Variants in GNE observed in about 807,000 individuals in gnomAD.
GNE encodes the protein glucosamine (UDP-N-acetyl)-2-epimerase/N-acetylmannosamine kinase, also known as bifunctional UDP-N-acetylglucosamine 2-epimerase/N-acetylmannosamine kinase.
Under a neutral mutation model 61.8 loss-of-function variants are expected in GNE, and 41 were observed. The ratio of observed to expected loss-of-function variants is 0.66; its 90% CI spans 0.52 to 0.86. GNE has a LOEUF of 0.86. Among genes scored for constraint, GNE ranks in the 40% least tolerant of loss-of-function variants. GNE has a pLI of 0.00. For missense variants in GNE, 608 were observed against 909.1 expected (o/e 0.67, Z 4.26); for synonymous variants, 264 against 326.4 (o/e 0.81, Z 2.06).
rs1414185833 is a variant in GNE at position 36,218,071 on chromosome 9, C to T, written c.1933+112G>A. On this transcript the variant is annotated intron_variant, in intron 11 of 11. Transcript: ENST00000642385. This position sits in a 1 kb window ranked among gnomAD's most constrained non-coding sequence, Gnocchi z 4.1. ...ATTAGGAAAGAAACCTCTGAACAGA[C>T]ACTGCAAAGCACCTGTCCCTAGGGA... The T allele has an allele frequency of 2.5e-6, 2 of 793,924 alleles. No individual in the cohort carries two copies. The highest frequency in any genetic ancestry group is 1.7e-5 in the African/African-American group (1 of 59,482). 49.2% of individuals were successfully genotyped at this position (793,924 alleles called of 1,614,324 possible). A position where few individuals can be genotyped will look rare whatever the true frequency, so the allele number is the denominator to read the frequency against.
At chr9:36,232,336 GC>G (rs1160683679) in intron 5 of GNE, among the ~76,000 whole-genome samples, 84 of 84,904 alleles carry the variant, frequency 9.9e-4, no homozygotes, top group African/African-American at 2.8e-3. Context: ...TTGCCCCCCC[GC>G]CCCCCCTCCC....
Position 36,270,861 on chromosome 9 carries a change from G to A in GNE, c.51+6033C>T, listed in dbSNP as rs566422165. 6.1e-4 allele frequency among the ~76,000 whole-genome samples: 93 copies of A among 152,246 alleles called. 1 individual carries two copies. Among genetic ancestry groups the A allele is most frequent in the African/African-American group, 2.0e-3 (82 of 41,566 alleles). ...GCCCAGGAGTTTGAGTCCAGCCTGG[G>A]CAACATTGTAAGGCCCCATCTCTTA... is the stretch of plus-strand genomic sequence containing the variant. On this transcript the variant is annotated intron_variant, in intron 1 of 11. Transcript: ENST00000396594.
At position 36,215,905 on chromosome 9, in the gene GNE, G is replaced by A. The variant is rs921733510; in HGVS notation, c.*1460C>T. 5.5e-6 allele frequency: 1 copy of A among 180,876 alleles called. No individual in the cohort carries two copies. The highest frequency in any genetic ancestry group is 1.5e-4 in the East Asian group (1 of 6,512). 11.2% of individuals were successfully genotyped at this position (180,876 alleles called of 1,614,324 possible). A position where few individuals can be genotyped will look rare whatever the true frequency, so the allele number is the denominator to read the frequency against. ...GTATGAAAGGCTACTGAAGGAAGAA[G>A]TGTCTGCTGGTCAGTAGCAAAGATC... On this transcript the variant is annotated 3_prime_UTR_variant, in exon 12 of 12. Coordinates refer to ENST00000642385, the MANE Select transcript of GNE (RefSeq NM_005476.7).
intron 1 of GNE, among the ~76,000 whole-genome samples, chr9:36,267,598 A>G (rs1830853490): frequency 1.3e-5 from 2 of 152,146 alleles, no homozygotes; most frequent in Non-Finnish European, 2.9e-5. Flanking sequence ...CGGGAAGCTT[A>G]TGCATGAGAA....
chr9:36,258,408 AGCCT>A lies in GNE; in HGVS notation c.-134_-131del. The A allele has an allele frequency of 1.0e-6, 1 of 985,400 alleles. No homozygotes were observed. Among genetic ancestry groups the A allele is most frequent in the Non-Finnish European group, 1.2e-6 (1 of 829,936 alleles). 61.0% of individuals were successfully genotyped at this position (985,400 alleles called of 1,614,324 possible). ...AGCGCCACGAAGCAGGCAGAGCGCG[AGCCT>A]GCCCCTCGGTTTCCGCGCTCGGGCG... On this transcript the variant is annotated 5_prime_UTR_variant, in exon 1 of 12. Transcript: ENST00000642385.
At chr9:36,258,252 C>G (rs1440958594) in intron 1 of GNE, 69 bp downstream of exon 1, 20 of 901,696 alleles carry the variant, frequency 2.2e-5, no homozygotes, top group Non-Finnish European at 2.7e-5. Context: ...GGGCAGGAGG[C>G]CGGGGGAGGC....
chr9:36,246,660 CTTTTTTT>C (rs66781293), intron 2 of GNE, among the ~76,000 whole-genome samples, 178 bp from the exon 3 acceptor site: 59 of 119,062 alleles, frequency 5.0e-4, no homozygotes, highest in Non-Finnish European at 7.3e-4. Flanking sequence ...GATTAAGATT[CTTTTTTT>C]TTTTTTTTTT....
chr9:36,218,385 A>G lies in GNE; in HGVS notation c.1817-86T>C, dbSNP rs1040983423. On this transcript the variant is annotated intron_variant, in intron 10 of 11. Transcript: ENST00000642385. This position sits in a 1 kb window ranked among gnomAD's most constrained non-coding sequence, Gnocchi z 4.1. ...CTGGGCCTGTGGAAAGCAAGCCCCT[A>G]CATGGGAAGACGGTGTTTTCTTTTC... The G allele has an allele frequency of 3.5e-5, 31 of 877,244 alleles. No homozygotes were observed. The highest frequency in any genetic ancestry group is 5.4e-5 in the Non-Finnish European group (28 of 516,372). 54.3% of individuals were successfully genotyped at this position (877,244 alleles called of 1,614,324 possible).
At chr9:36,236,321 C>T (rs1829389291) in intron 4 of GNE, among the ~76,000 whole-genome samples, 1 of 152,076 alleles carries the variant, frequency 6.6e-6, no homozygotes, top group South Asian at 2.1e-4. Flanking sequence ...CTGCCTCAGC[C>T]TCCTGAATAG....
chr9:36,228,902 G>GC, intron 6 of GNE, 119 bp downstream of exon 6: 1 of 772,788 alleles, frequency 1.3e-6, no homozygotes, highest in Non-Finnish European at 2.4e-6. Context: ...GCAACTAGGG[G>GC]CCCGTAGGCA....
chr9:36,258,452 T>C (rs894835780), upstream of GNE: 6 of 985,430 alleles, frequency 6.1e-6, no homozygotes, highest in Non-Finnish European at 7.2e-6. Flanking sequence ...GGTAGACGAC[T>C]CGTCGCTCGA....
At chr9:36,232,111 C>T (rs915529867) in intron 5 of GNE, among the ~76,000 whole-genome samples, 2 of 152,048 alleles carry the variant, frequency 1.3e-5, no homozygotes, top group African/African-American at 2.4e-5. Flanking sequence ...GTTATATTTA[C>T]ATCTTCTTCC....
At chr9:36,273,821 T>G (rs1340116203) in intron 1 of GNE, among the ~76,000 whole-genome samples, 1 of 151,798 alleles carries the variant, frequency 6.6e-6, no homozygotes, top group Admixed American at 6.6e-5. Context: ...GTAGTTTTGG[T>G]AGAGACAGCG....
chr9:36,228,391 C>T (rs979369218), intron 6 of GNE, among the ~76,000 whole-genome samples: 10 of 151,754 alleles, frequency 6.6e-5, no homozygotes, highest in African/African-American at 2.4e-4. Context: ...AATTAAAAAG[C>T]TGAACTAGAC....
chr9:36,273,660 CTTT>C (rs11307863), intron 1 of GNE, among the ~76,000 whole-genome samples: 9 of 139,516 alleles, frequency 6.5e-5, no homozygotes, highest in Non-Finnish European at 9.3e-5. Context: ...ATTTGGAACT[CTTT>C]TTTTTTTTTT....
Position 36,227,661 on chromosome 9 carries a change from C to T in GNE, c.1071-203G>A, listed in dbSNP as rs147408984. Among the ~76,000 whole-genome samples the T allele has an allele frequency of 4.6e-3, 695 of 152,142 alleles. 3 individuals carry two copies. Among genetic ancestry groups the T allele is most frequent in the Non-Finnish European group, 8.1e-3 (550 of 67,990 alleles). On this transcript the variant is annotated intron_variant, in intron 6 of 11. Transcript: ENST00000642385. The stretch of plus-strand genomic sequence containing the variant: ...GGCTGAGGCAGGAAGATTGCTTGAG[C>T]CCAAGAGTTTGAGACCAGCCTGGGC...
In GNE at chr9:36,258,324, A is replaced by T. The variant is rs542696087; in HGVS notation, c.-46T>A. ...CACGCCGCCGCGCGGCTCTCACCAG[A>T]CGCCGTCAGAGGCTCCCTCCCACGC... On this transcript the variant is annotated 5_prime_UTR_variant, in exon 1 of 12. Transcript: ENST00000642385. The T allele has an allele frequency of 9.1e-6, 9 of 985,330 alleles. No individual in the cohort carries two copies. The highest frequency in any genetic ancestry group is 1.7e-5 in the African/African-American group (1 of 57,330). 61.0% of individuals were successfully genotyped at this position (985,330 alleles called of 1,614,324 possible).
chr9:36,254,876 C>T (rs1361099646), intron 1 of GNE, among the ~76,000 whole-genome samples: 4 of 151,674 alleles, frequency 2.6e-5, no homozygotes, highest in South Asian at 2.1e-4. Flanking sequence ...CACTTGAACC[C>T]GGGAGGCGGA....
chr9:36,249,720 A>G (rs1056046476), intron 1 of GNE, among the ~76,000 whole-genome samples: 4 of 151,912 alleles, frequency 2.6e-5, no homozygotes, highest in Non-Finnish European at 5.9e-5. Context: ...CTACTAAAAA[A>G]TACAAAAAAA....
Sources: allele counts gnomAD v4.1 joint callset (sites outside exome capture counted in the v4.1 genomes callset), GRCh38; gene constraint gnomAD v4.1.1; non-coding constraint Gnocchi (gnomAD v3.1); transcripts MANE v1.5; gene names NCBI Gene and HGNC (gene_info 2026-07-23, HGNC 2026-07-21).